Variants in SLC14A2 observed in about 807,000 individuals in gnomAD.
The protein encoded by SLC14A2 is solute carrier family 14 member 2, also known as urea transporter 2.
SLC14A2 carries 91 observed loss-of-function variants against 104.6 expected under a neutral mutation model. That is an observed-to-expected ratio of 0.87 (90% CI 0.73 to 1.04). The LOEUF (loss-of-function observed/expected upper bound fraction) is 1.04, where lower values mean the gene tolerates loss of function less well. Among genes scored for constraint, SLC14A2 ranks in the 50% least tolerant of loss-of-function variants. SLC14A2 has a pLI of 0.00. For missense variants in SLC14A2, 1,189 were observed against 1,156.0 expected (o/e 1.03, Z -0.41); for synonymous variants, 476 against 466.4 (o/e 1.02, Z -0.27).
intron 2 of SLC14A2, among the ~76,000 whole-genome samples, chr18:45,502,377 C>T (rs1248184771): frequency 1.3e-5 from 2 of 152,192 alleles, no homozygotes; most frequent in Admixed American, 1.3e-4. Flanking sequence ...GGGTCTGTGC[C>T]ATCTCATCCC....
intron 1 of SLC14A2, among the ~76,000 whole-genome samples, chr18:45,356,214 C>T (rs1286592457): frequency 6.6e-6 from 1 of 152,198 alleles, no homozygotes; most frequent in Non-Finnish European, 1.5e-5. Flanking sequence ...TCAATACCTT[C>T]TCCAAGTCTC....
the SLC14A2 span, among the ~76,000 whole-genome samples, chr18:45,203,980 A>G: frequency 7.9e-5 from 12 of 152,236 alleles, no homozygotes; most frequent in Admixed American, 2.6e-4. Flanking sequence ...ACGGAGCTTG[A>G]AGAGTGAATA....
chr18:45,492,749 A>G (rs2043024085), intron 2 of SLC14A2, among the ~76,000 whole-genome samples: 1 of 152,206 alleles, frequency 6.6e-6, no homozygotes, highest in Non-Finnish European at 1.5e-5. Context: ...GTTGGTGACT[A>G]ATTCTGTGCC....
intron 1 of SLC14A2, among the ~76,000 whole-genome samples, chr18:45,400,930 T>A (rs1330971678): frequency 1.3e-5 from 2 of 152,240 alleles, no homozygotes; most frequent in African/African-American, 4.8e-5. Context: ...CCTTTTCATC[T>A]GGCTGTCTCA....
chr18:45,539,986 G>C (rs1236090705), intron 2 of SLC14A2, among the ~76,000 whole-genome samples: 1 of 152,104 alleles, frequency 6.6e-6, no homozygotes, highest in African/African-American at 2.4e-5. Context: ...AAAATACGGG[G>C]TGCTGAGCAA....
At chr18:45,573,372 A>G (rs767052250) in intron 2 of SLC14A2, among the ~76,000 whole-genome samples, 1 of 150,804 alleles carries the variant, frequency 6.6e-6, no homozygotes, top group Non-Finnish European at 1.5e-5. Context: ...AAGAGATGTT[A>G]GAGATGTTAG....
chr18:45,288,171 T>TGTTGA (rs112456871), intron 1 of SLC14A2, among the ~76,000 whole-genome samples: 32,480 of 151,970 alleles, frequency 0.21, 4,765 homozygotes, highest in African/African-American at 0.42. Flanking sequence ...TGGTAGCTTT[T>TGTTGA]GTTGATACTG....
At chr18:45,311,195 G>A (rs1372370610) in intron 1 of SLC14A2, among the ~76,000 whole-genome samples, 1 of 152,210 alleles carries the variant, frequency 6.6e-6, no homozygotes, top group East Asian at 1.9e-4. Flanking sequence ...GGGAGTAGCA[G>A]CACTAAAGCT....
chr18:45,568,713 G>A (rs930959460), intron 2 of SLC14A2, among the ~76,000 whole-genome samples: 1 of 152,158 alleles, frequency 6.6e-6, no homozygotes, highest in African/African-American at 2.4e-5. Context: ...ATGACAATAC[G>A]AAGTAGAGGC....
intron 1 of SLC14A2, among the ~76,000 whole-genome samples, chr18:45,294,046 A>G (rs1443435482): frequency 6.6e-6 from 1 of 152,194 alleles, no homozygotes; most frequent in African/African-American, 2.4e-5. Flanking sequence ...ACTTTTGGGG[A>G]AAAATAGATA....
In SLC14A2 at chr18:45,644,460, T is replaced by G. The variant is rs75997488; in HGVS notation, c.1351+300T>G. 2,583 of 272,352 alleles carry G rather than the reference T, an allele frequency of 9.5e-3. 129 individuals are homozygous for G. In the East Asian group the frequency reaches 0.13, roughly 14 times the overall value. The allele number at this position is 272,352 out of a possible 1,614,324, so 16.9% of individuals were successfully genotyped here. A position where few individuals can be genotyped will look rare whatever the true frequency, so the allele number is the denominator to read the frequency against. On this transcript the variant is annotated intron_variant, in intron 10 of 19. Transcript: ENST00000255226. ...TGACTTAAAACAAAAACAGTAGTCT[T>G]TTGGAAAGGTAATTAACAGGTGATC...
the SLC14A2 span, among the ~76,000 whole-genome samples, chr18:45,203,993 A>G: frequency 6.6e-6 from 1 of 152,322 alleles, no homozygotes; most frequent in South Asian, 2.1e-4. Flanking sequence ...AGTGAATATT[A>G]ATAATTCACA....
chr18:45,242,834 C>G (rs1184492047), intron 1 of SLC14A2, among the ~76,000 whole-genome samples: 1 of 152,082 alleles, frequency 6.6e-6, no homozygotes, highest in African/African-American at 2.4e-5. Context: ...TATTTTTAGC[C>G]TATGTTGGAA....
At chr18:45,327,840 T>C (rs1288904090) in intron 1 of SLC14A2, among the ~76,000 whole-genome samples, 1 of 151,972 alleles carries the variant, frequency 6.6e-6, no homozygotes, top group East Asian at 1.9e-4. Context: ...GGGGTAGGAG[T>C]GAGCGAAGGG....
At chr18:45,187,807 C>T in the SLC14A2 span, among the ~76,000 whole-genome samples, 1 of 151,892 alleles carries the variant, frequency 6.6e-6, no homozygotes, top group African/African-American at 2.4e-5. Context: ...TAAGAGAATT[C>T]TGTTTTGGGA....
chr18:45,648,734 G>A (rs1448457444), intron 10 of SLC14A2, among the ~76,000 whole-genome samples: 3 of 124,672 alleles, frequency 2.4e-5, no homozygotes, highest in Non-Finnish European at 5.6e-5. Flanking sequence ...CACATCTTAT[G>A]TAATAACTAA....
Position 45,472,768 on chromosome 18 carries a change from G to A in SLC14A2, c.-124-10465G>A, listed in dbSNP as rs572004417. Among the ~76,000 whole-genome samples, 15 of 152,142 alleles carry A rather than the reference G, an allele frequency of 9.9e-5. 1 individual carries two copies. The South Asian group carries it at 2.7e-3, about 27-fold the overall frequency. On this transcript the variant is annotated intron_variant, in intron 1 of 20. Coordinates refer to the SLC14A2 transcript ENST00000586448. ...TTTGTTTAAGTTTCTTATAGATTCT[G>A]GATATTAGCCCTTTGTCAGATGGAT...
chr18:45,279,044 G>A (rs1414476956), intron 1 of SLC14A2, among the ~76,000 whole-genome samples: 1 of 152,186 alleles, frequency 6.6e-6, no homozygotes, highest in Non-Finnish European at 1.5e-5. Context: ...GTAAATTGGG[G>A]AGTTGAATCC....
intron 1 of SLC14A2, chr18:45,424,213 C>T (rs2086390411): frequency 6.6e-6 from 1 of 152,200 alleles, no homozygotes; most frequent in African/African-American, 2.4e-5. Flanking sequence ...ATCACAGACA[C>T]TAAAAAGAAC....
Sources: gnomAD v4.1 joint callset for allele counts (sites outside exome capture counted in the v4.1 genomes callset) on GRCh38, gnomAD v4.1.1 for gene constraint, MANE v1.5 for transcripts, NCBI Gene and HGNC (gene_info 2026-07-23, HGNC 2026-07-21) for gene names.